CDH20: variants seen among roughly 807,000 people sequenced by gnomAD.
CDH20 encodes the protein cadherin-20.
A neutral mutation model predicts 74.2 loss-of-function variants in CDH20; 29 were observed. That is an observed-to-expected ratio of 0.39 (90% confidence interval 0.29 to 0.53). The LOEUF is 0.53. CDH20 is among the 20% of genes least tolerant of loss of function. The pLI is 0.69. For missense variants in CDH20, 988 were observed against 1,048.3 expected (o/e 0.94, Z 0.79); for synonymous variants, 469 against 405.4 (o/e 1.16, Z -1.88).
chr18:61,394,676 C>T (rs982067630), intron 1 of CDH20, among the ~76,000 whole-genome samples: 2 of 152,110 alleles, frequency 1.3e-5, no homozygotes, highest in Non-Finnish European at 1.5e-5. Flanking sequence ...GTTACTGCAG[C>T]TCTAGGAAGG....
chr18:61,418,654 T>G (rs573852536), intron 1 of CDH20, among the ~76,000 whole-genome samples: 1 of 152,106 alleles, frequency 6.6e-6, no homozygotes, highest in South Asian at 2.1e-4. Flanking sequence ...TAAAGCAATT[T>G]AACAAGTTTT....
chr18:61,517,553 G>T (rs533322286), intron 6 of CDH20, among the ~76,000 whole-genome samples: 19 of 152,282 alleles, frequency 1.2e-4, no homozygotes, highest in African/African-American at 4.6e-4. Flanking sequence ...GTGCATTCTG[G>T]CCCAGATATT....
chr18:61,454,093 T>C (rs1479819906), intron 1 of CDH20, among the ~76,000 whole-genome samples: 1 of 152,198 alleles, frequency 6.6e-6, no homozygotes, highest in Non-Finnish European at 1.5e-5. Flanking sequence ...TTATTGGCCA[T>C]CTGGATATCT....
At chr18:61,350,587 G>T (rs1910270574) in intron 1 of CDH20, among the ~76,000 whole-genome samples, 1 of 152,204 alleles carries the variant, frequency 6.6e-6, no homozygotes, top group Non-Finnish European at 1.5e-5. Flanking sequence ...CAGAGTTGAA[G>T]TGTGAACTGC....
At chr18:61,511,412 G>A (rs527585132) in intron 6 of CDH20, among the ~76,000 whole-genome samples, 2 of 152,126 alleles carry the variant, frequency 1.3e-5, no homozygotes, top group South Asian at 4.2e-4. Context: ...TCAAACTCCT[G>A]AGCTCAAGTG....
chr18:61,420,301 A>T (rs1599072707), intron 1 of CDH20, among the ~76,000 whole-genome samples: 1 of 151,722 alleles, frequency 6.6e-6, no homozygotes, highest in East Asian at 1.9e-4. Flanking sequence ...ATTCATGTCA[A>T]TGAAAATGAT....
chr18:61,367,244 C>T (rs886569044), intron 1 of CDH20, among the ~76,000 whole-genome samples: 13 of 152,040 alleles, frequency 8.6e-5, no homozygotes, highest in South Asian at 4.1e-4. Flanking sequence ...ATAGCTGACA[C>T]GGGAAAATGA....
At chr18:61,436,800 C>A (rs575882919) in intron 1 of CDH20, among the ~76,000 whole-genome samples, 1 of 152,186 alleles carries the variant, frequency 6.6e-6, no homozygotes, top group African/African-American at 2.4e-5. Context: ...GCAAATCAGG[C>A]TTTTCCTGTT....
Position 61,554,911 on chromosome 18 carries a change from CCT to C in CDH20, c.*217_*218del. The C allele has an allele frequency of 1.5e-6, 2 of 1,373,504 alleles. No homozygotes were observed. Among genetic ancestry groups the C allele is most frequent in the Non-Finnish European group, 1.9e-6 (2 of 1,065,382 alleles). 85.1% of individuals were successfully genotyped at this position (1,373,504 alleles called of 1,614,324 possible). ...AGGAAGAGGGCAGAATCTTTAATTA[CCT>C]TTTTTTCTTTTCTTTTTGATTTTTC... On this transcript the variant is annotated 3_prime_UTR_variant, in exon 12 of 12. Coordinates refer to ENST00000262717, the MANE Select transcript of CDH20 (RefSeq NM_031891.4).
intron 4 of CDH20, among the ~76,000 whole-genome samples, chr18:61,500,829 G>A (rs1031665201): frequency 6.6e-6 from 1 of 152,158 alleles, no homozygotes; most frequent in African/African-American, 2.4e-5. Context: ...ACCCCATGAA[G>A]ACCCAACAGG....
intron 11 of CDH20, among the ~76,000 whole-genome samples, chr18:61,553,330 G>C (rs902568951): frequency 6.6e-6 from 1 of 151,936 alleles, no homozygotes; most frequent in Admixed American, 6.6e-5. Flanking sequence ...AACGTTTTCA[G>C]AGAGATAAAT....
At chr18:61,427,166 CCTAAGT>C (rs769033370) in intron 1 of CDH20, among the ~76,000 whole-genome samples, 25 of 152,022 alleles carry the variant, frequency 1.6e-4, no homozygotes, top group Non-Finnish European at 3.5e-4. Context: ...CGTTCACTTC[CCTAAGT>C]CTGTTTTTCA....
chr18:61,396,971 C>T lies in CDH20; in HGVS notation c.-153+63144C>T, dbSNP rs1052709533. Among the ~76,000 whole-genome samples, 9 of 152,200 alleles carry T rather than the reference C, an allele frequency of 5.9e-5. No homozygotes were observed. In the East Asian group the frequency reaches 7.7e-4, roughly 13 times the overall value. On this transcript the variant is annotated intron_variant, in intron 1 of 11. Transcript: ENST00000262717. ...TCAAGCCTGGCTGTTCTTGCTACTA[C>T]GTATGTTCCCGGGGACCATGAACTA...
intron 1 of CDH20, among the ~76,000 whole-genome samples, chr18:61,364,374 G>T (rs573205704): frequency 1.1e-4 from 16 of 152,106 alleles, no homozygotes; most frequent in Admixed American, 3.9e-4. Flanking sequence ...GTGCAATGGC[G>T]TGATCTTGGC....
chr18:61,555,306 G>A lies in CDH20; in HGVS notation c.*611G>A, dbSNP rs12970687. ...ATGGGTGGGAGGGTGGGTGAAGGAA[G>A]AGACATTGACTTTATGCTCAAGTTT... On this transcript the variant is annotated 3_prime_UTR_variant, in exon 12 of 12. Transcript: ENST00000262717. The A allele has an allele frequency of 1.0e-6, 1 of 985,270 alleles. No individual in the cohort carries two copies. The allele number at this position is 985,270 out of a possible 1,614,324, so 61.0% of individuals were successfully genotyped here. A position where few individuals can be genotyped will look rare whatever the true frequency, so the allele number is the denominator to read the frequency against.
chr18:61,349,591 T>C (rs1411672221), intron 1 of CDH20, among the ~76,000 whole-genome samples: 1 of 152,186 alleles, frequency 6.6e-6, no homozygotes, highest in Admixed American at 6.5e-5. Flanking sequence ...CAGTGACAAT[T>C]ATTTTTCCAT....
At chr18:61,334,947 C>T (rs1455241679) in intron 1 of CDH20, among the ~76,000 whole-genome samples, 1 of 152,232 alleles carries the variant, frequency 6.6e-6, no homozygotes, top group East Asian at 1.9e-4. Context: ...GAAATGTCCC[C>T]GGACCTCCTC....
At chr18:61,428,396 A>C (rs1008089078) in intron 1 of CDH20, among the ~76,000 whole-genome samples, 1 of 152,134 alleles carries the variant, frequency 6.6e-6, no homozygotes, top group African/African-American at 2.4e-5. Context: ...CATCCCTGGA[A>C]CATCATGGGC....
intron 1 of CDH20, among the ~76,000 whole-genome samples, chr18:61,379,743 A>G (rs1176632751): frequency 6.6e-6 from 1 of 152,166 alleles, no homozygotes; most frequent in Non-Finnish European, 1.5e-5. Flanking sequence ...ACAAAATAGT[A>G]TTGTTGGAGT....
Sources: gnomAD v4.1 joint callset for allele counts (sites outside exome capture counted in the v4.1 genomes callset) on GRCh38, gnomAD v4.1.1 for gene constraint, MANE v1.5 for transcripts, NCBI Gene and HGNC (gene_info 2026-07-23, HGNC 2026-07-21) for gene names.